The following DYNC1LI1 variants were observed in gnomAD, a reference collection of about 807,000 sequenced individuals.
DYNC1LI1 encodes dynein cytoplasmic 1 light intermediate chain 1.
DYNC1LI1 carries 19 observed loss-of-function variants against 63.8 expected under a neutral mutation model. The observed-to-expected ratio is 0.30, with a 90% CI of 0.21 to 0.44. The LOEUF (loss-of-function observed/expected upper bound fraction) is 0.44. Ranked by LOEUF, DYNC1LI1 falls within the 20% of genes least tolerant of loss-of-function variation. The pLI is 1.00. For synonymous variants in DYNC1LI1, 225 were observed against 232.3 expected (o/e 0.97, Z 0.28); for missense variants, 565 against 630.2 (o/e 0.90, Z 1.11).
intron 2 of DYNC1LI1, among the ~76,000 whole-genome samples, chr3:32,560,097 T>C (rs543081063): frequency 6.6e-5 from 10 of 152,238 alleles, no homozygotes; most frequent in African/African-American, 1.2e-4. Context: ...CCCTCCAACA[T>C]GTCAAGGGGT....
chr3:32,544,715 C>G (rs1575153673), intron 4 of DYNC1LI1, among the ~76,000 whole-genome samples, 161 bp downstream of exon 4: 1 of 151,014 alleles, frequency 6.6e-6, no homozygotes, highest in African/African-American at 2.4e-5. Context: ...GCACTCCAGC[C>G]TGGGTGACAG....
chr3:32,550,908 C>T (rs1254289739), intron 2 of DYNC1LI1, among the ~76,000 whole-genome samples: 1 of 151,808 alleles, frequency 6.6e-6, no homozygotes, highest in African/African-American at 2.4e-5. Flanking sequence ...AGGTGGATCA[C>T]TTGAGCCCAG....
At chr3:32,540,921 G>A in intron 5 of DYNC1LI1, 116 bp downstream of exon 5, 2 of 671,632 alleles carry the variant, frequency 3.0e-6, no homozygotes, top group Non-Finnish European at 4.7e-6. Context: ...TTATTTGTTT[G>A]TTAACAAAAA....
At chr3:32,552,756 A>G (rs899423244) in intron 2 of DYNC1LI1, among the ~76,000 whole-genome samples, 3 of 152,046 alleles carry the variant, frequency 2.0e-5, no homozygotes, top group South Asian at 2.1e-4. Flanking sequence ...GCCAGGCTGG[A>G]GTGCAGGGGT....
intron 2 of DYNC1LI1, among the ~76,000 whole-genome samples, chr3:32,566,349 T>C (rs1340324966): frequency 6.6e-6 from 1 of 152,214 alleles, no homozygotes; most frequent in Non-Finnish European, 1.5e-5. Context: ...GACTAGTACC[T>C]GTAAGTGCTC....
At chr3:32,568,964 T>C (rs927118514) in intron 2 of DYNC1LI1, among the ~76,000 whole-genome samples, 1 of 152,222 alleles carries the variant, frequency 6.6e-6, no homozygotes, top group Non-Finnish European at 1.5e-5. Context: ...ATATCACTTA[T>C]GTAGGCACTA....
At chr3:32,541,574 A>G (rs1697883001) in intron 4 of DYNC1LI1, among the ~76,000 whole-genome samples, 1 of 152,216 alleles carries the variant, frequency 6.6e-6, no homozygotes, top group South Asian at 2.1e-4. Flanking sequence ...AAATCCCATA[A>G]CTTAAAAGAT....
At chr3:32,545,339 A>T in intron 3 of DYNC1LI1, 1 of 550,856 alleles carries the variant, frequency 1.8e-6, no homozygotes, top group Non-Finnish European at 3.2e-6. Context: ...GCCTAAAATG[A>T]CTTAACTGTA....
In DYNC1LI1 at chr3:32,557,254, G is replaced by A. The variant is rs531968498; in HGVS notation, c.221-11289C>T. ...TGGTTTGCTGGGCACGGTGGCTTAG[G>A]CCTGTAATCCCAACACTCTGGGAGG... is the stretch of plus-strand genomic sequence containing the variant. On this transcript the variant is annotated intron_variant, in intron 2 of 12. Coordinates refer to ENST00000273130, the MANE Select transcript of DYNC1LI1 (RefSeq NM_016141.4). Among the ~76,000 whole-genome samples the A allele has an allele frequency of 5.3e-5, 8 of 152,270 alleles. No individual in the cohort carries two copies. In the South Asian group the frequency reaches 1.2e-3, roughly 24 times the overall value.
chr3:32,527,283 T>C (rs1450330854), intron 12 of DYNC1LI1, among the ~76,000 whole-genome samples: 1 of 151,930 alleles, frequency 6.6e-6, no homozygotes, highest in Non-Finnish European at 1.5e-5. Flanking sequence ...GACAACAGAG[T>C]GAGACTCTGT....
chr3:32,546,334 G>A (rs1380542653), intron 2 of DYNC1LI1, among the ~76,000 whole-genome samples: 2 of 152,096 alleles, frequency 1.3e-5, no homozygotes, highest in Non-Finnish European at 2.9e-5. Context: ...CTTGGACCTG[G>A]GAGGCGGAGG....
chr3:32,559,147 C>T (rs55675966), intron 2 of DYNC1LI1, among the ~76,000 whole-genome samples: 17,275 of 151,614 alleles, frequency 0.11, 1,025 homozygotes, highest in East Asian at 0.23. Context: ...CTGAATTTCC[C>T]GAGTAACTTG....
At position 32,570,543 on chromosome 3, in the gene DYNC1LI1, G is replaced by A. The variant is rs920533203; in HGVS notation, c.146+82C>T. On this transcript the variant is annotated intron_variant, in intron 1 of 12. Transcript: ENST00000273130. ...ACGCAGTGGCCGGGCCCGGCGCCGA[G>A]CTCCAGCGGGCACGGGATCCCGAGG... 4.6e-6 allele frequency: 7 copies of A among 1,505,790 alleles called. No individual in the cohort carries two copies. In the Admixed American group the frequency reaches 8.5e-5, roughly 18 times the overall value. The allele number at this position is 1,505,790 out of a possible 1,614,324, so 93.3% of individuals were successfully genotyped here.
At chr3:32,562,804 C>A (rs1698210784) in intron 2 of DYNC1LI1, among the ~76,000 whole-genome samples, 1 of 152,124 alleles carries the variant, frequency 6.6e-6, no homozygotes, top group Non-Finnish European at 1.5e-5. Flanking sequence ...TCAGGAGGTT[C>A]TAATTTGTCC....
chr3:32,552,246 T>C (rs892937693), intron 2 of DYNC1LI1, among the ~76,000 whole-genome samples: 1 of 152,182 alleles, frequency 6.6e-6, no homozygotes, highest in Non-Finnish European at 1.5e-5. Flanking sequence ...ACCTCATTCA[T>C]TCATTCCTTC....
chr3:32,526,713 GCTTT>G lies in DYNC1LI1; in HGVS notation c.*82_*85del, dbSNP rs1404975004. 7.0e-6 allele frequency: 7 copies of G among 1,001,630 alleles called. No individual in the cohort carries two copies. Among genetic ancestry groups the G allele is most frequent in the Non-Finnish European group, 1.1e-5 (7 of 646,522 alleles). 62.0% of individuals were successfully genotyped at this position (1,001,630 alleles called of 1,614,324 possible). ...TTAGTCCATCTGAAGAAGCACTCCAGCTTTCTAATTCCACTTTTGAAGGAAAAGG... is the reference window on the plus strand; with the variant it reads ...TTAGTCCATCTGAAGAAGCACTCCAGCTAATTCCACTTTTGAAGGAAAAGG... On this transcript the variant is annotated 3_prime_UTR_variant, in exon 13 of 13. Transcript: ENST00000273130.
chr3:32,530,599 T>C, intron 8 of DYNC1LI1, 79 bp from the exon 9 acceptor site: 2 of 1,280,390 alleles, frequency 1.6e-6, no homozygotes, highest in Non-Finnish European at 2.2e-6. Flanking sequence ...TAGATTGGAC[T>C]AATTAAAAAA....
Position 32,526,968 on chromosome 3 carries a change from C to T in DYNC1LI1, c.1463-60G>A, listed in dbSNP as rs571891780. The T allele has an allele frequency of 3.5e-5, 41 of 1,160,220 alleles. No individual in the cohort carries two copies. In the African/African-American group the frequency reaches 5.5e-4, roughly 16 times the overall value. 71.9% of individuals were successfully genotyped at this position (1,160,220 alleles called of 1,614,324 possible). On this transcript the variant is annotated intron_variant, in intron 12 of 12. Coordinates refer to ENST00000273130, the MANE Select transcript of DYNC1LI1 (RefSeq NM_016141.4). ...GATATAAGTGAAAGTATCGTTTTCA[C>T]CAATATCTCTTCATTTAAAAAGTCC...
Position 32,526,847 on chromosome 3 carries a change from T to A in DYNC1LI1, c.1524A>T (p.Thr508=), listed in dbSNP as rs371027558. 6 of 1,614,070 alleles carry A rather than the reference T, an allele frequency of 3.7e-6. No homozygotes were observed. Among genetic ancestry groups the A allele is most frequent in the Non-Finnish European group, 4.2e-6 (5 of 1,179,944 alleles). Residue 508 remains threonine, a synonymous_variant, in exon 13 of 13, where the codon ACA becomes ACT. Coordinates refer to ENST00000273130, the MANE Select transcript of DYNC1LI1 (RefSeq NM_016141.4). ...ELDRITRKPV[T]VSPTTPTSPT... ...GAGATGTAGGTGTTGTGGGAGAAAC[T>A]GTAACTGGTTTTCGTGTAATTCTGT... is the stretch of plus-strand genomic sequence containing the variant.
Sources: gnomAD v4.1 joint callset for allele counts (sites outside exome capture counted in the v4.1 genomes callset) on GRCh38, gnomAD v4.1.1 for gene constraint, MANE v1.5 for transcripts, NCBI Gene and HGNC (gene_info 2026-07-23, HGNC 2026-07-21) for gene names.